The following DNAJC1 variants were observed in gnomAD, a reference collection of about 807,000 sequenced individuals.
The protein encoded by DNAJC1 is DnaJ heat shock protein family (Hsp40) member C1, also known as dnaJ homolog subfamily C member 1.
Under a neutral mutation model 76.6 loss-of-function variants are expected in DNAJC1, and 58 were observed. That is an observed-to-expected ratio of 0.76 (90% CI 0.61 to 0.94). The LOEUF is 0.94. Among genes scored for constraint, DNAJC1 ranks in the 40% least tolerant of loss-of-function variants. The probability of loss-of-function intolerance (pLI) is 0.00; values close to 1 mark genes in which losing one functional copy is unlikely to be tolerated. For synonymous variants in DNAJC1, 258 were observed against 267.9 expected (o/e 0.96, Z 0.36); for missense variants, 689 against 677.3 (o/e 1.02, Z -0.19).
At position 21,766,262 on chromosome 10, in the gene DNAJC1, T is replaced by C. The variant is rs769403238; in HGVS notation, c.1146A>G (p.Pro382=). Residue 382 remains proline (P), a splice_region_variant and synonymous_variant, in exon 10 of 12, where the codon CCA becomes CCG. Coordinates refer to ENST00000376980, the MANE Select transcript of DNAJC1 (RefSeq NM_022365.4). ...GAGATAGAGGAAGTATGAACTCACC[T>C]GGGGAGCAGGTCACTGAATCCTTCA... The part of the protein sequence containing the change: ...KQLKDSVTCS[P]GMVRLSELKS... 1.4e-5 allele frequency: 22 copies of C among 1,611,712 alleles called. No homozygotes were observed. The highest frequency in any genetic ancestry group is 1.4e-5 in the Non-Finnish European group (17 of 1,177,928).
intron 3 of DNAJC1, among the ~76,000 whole-genome samples, chr10:21,922,114 A>C (rs1010005447): frequency 6.6e-6 from 1 of 152,048 alleles, no homozygotes; most frequent in South Asian, 2.1e-4. Flanking sequence ...ACTCGGTAGT[A>C]GGTTTTTCTC....
chr10:22,003,458 C>T lies in DNAJC1; in HGVS notation c.-24G>A, dbSNP rs976710434. 4 of 1,344,332 alleles carry T rather than the reference C, an allele frequency of 3.0e-6. No individual in the cohort carries two copies. Among genetic ancestry groups the T allele is most frequent in the Non-Finnish European group, 3.8e-6 (4 of 1,054,602 alleles). 83.3% of individuals were successfully genotyped at this position (1,344,332 alleles called of 1,614,324 possible). A position where few individuals can be genotyped will look rare whatever the true frequency, so the allele number is the denominator to read the frequency against. ...ATCGCGCTGGGCTCGGAAAGGTCACCCGCCGCGCAGCTCCGTTGGCCGAGA... is the reference window on the plus strand; with the variant it reads ...ATCGCGCTGGGCTCGGAAAGGTCACTCGCCGCGCAGCTCCGTTGGCCGAGA... On this transcript the variant is annotated 5_prime_UTR_variant, in exon 1 of 12. Coordinates refer to ENST00000376980, the MANE Select transcript of DNAJC1 (RefSeq NM_022365.4).
intron 9 of DNAJC1, among the ~76,000 whole-genome samples, chr10:21,800,628 G>A (rs759916274): frequency 6.6e-6 from 1 of 152,176 alleles, no homozygotes; most frequent in African/African-American, 2.4e-5. Flanking sequence ...TTATTGCCAT[G>A]AAAGATGCTC....
chr10:21,962,664 TG>T (rs1435000562), intron 1 of DNAJC1, among the ~76,000 whole-genome samples: 109 of 149,058 alleles, frequency 7.3e-4, no homozygotes, highest in African/African-American at 2.5e-3. Flanking sequence ...TTTTTTTTTT[TG>T]TAGAGACAGG....
chr10:21,882,461 C>A (rs372505311), intron 7 of DNAJC1, 22 bp from the exon 8 acceptor site: 1 of 1,402,040 alleles, frequency 7.1e-7, no homozygotes, highest in Admixed American at 2.7e-5. Flanking sequence ...TTAAAAGAAC[C>A]AATTATTGAG....
chr10:21,940,905 CA>C (rs1458535590), intron 1 of DNAJC1, among the ~76,000 whole-genome samples: 1 of 151,586 alleles, frequency 6.6e-6, no homozygotes, highest in Non-Finnish European at 1.5e-5. Context: ...AAGTCAATGG[CA>C]GGGGGAGAAA....
At chr10:21,844,259 C>T (rs892157019) in intron 8 of DNAJC1, among the ~76,000 whole-genome samples, 1 of 148,502 alleles carries the variant, frequency 6.7e-6, no homozygotes, top group Non-Finnish European at 1.5e-5. Flanking sequence ...CGCCACCACA[C>T]CTGGCTAATT....
chr10:21,813,024 C>CAT (rs1158936139), intron 8 of DNAJC1, among the ~76,000 whole-genome samples: 26 of 78,982 alleles, frequency 3.3e-4, no homozygotes, highest in Non-Finnish European at 5.7e-4. Flanking sequence ...TATACACACA[C>CAT]ATACACACAC....
chr10:21,833,339 C>T (rs576564781), intron 8 of DNAJC1, among the ~76,000 whole-genome samples: 11 of 152,040 alleles, frequency 7.2e-5, no homozygotes, highest in South Asian at 2.1e-4. Flanking sequence ...GGCATGGTGA[C>T]GGGCGCCTGT....
chr10:22,003,429 C>A lies in DNAJC1; in HGVS notation c.6G>T (p.Thr2=). 2 of 1,363,630 alleles carry A rather than the reference C, an allele frequency of 1.5e-6. No individual in the cohort carries two copies. The highest frequency in any genetic ancestry group is 1.9e-5 in the South Asian group (1 of 52,444). 84.5% of individuals were successfully genotyped at this position (1,363,630 alleles called of 1,614,324 possible). The stretch of plus-strand genomic sequence containing the variant: ...GCTGCGCCGGCTGGGAGCAAGGAGC[C>A]GTCATCGCGCTGGGCTCGGAAAGGT... M[T]APCSQPAQLP... The change falls in exon 1 of 12, where the codon ACG becomes ACT. Residue 2 remains threonine (T), a synonymous_variant. Coordinates refer to ENST00000376980, the MANE Select transcript of DNAJC1 (RefSeq NM_022365.4).
intron 1 of DNAJC1, among the ~76,000 whole-genome samples, chr10:21,933,940 C>A (rs1837269173): frequency 1.3e-5 from 2 of 151,830 alleles, no homozygotes; most frequent in East Asian, 3.9e-4. Context: ...TAATAAGCAA[C>A]TATGTTACAG....
At chr10:21,859,564 C>T (rs919289958) in intron 8 of DNAJC1, among the ~76,000 whole-genome samples, 5 of 151,976 alleles carry the variant, frequency 3.3e-5, no homozygotes, top group African/African-American at 1.2e-4. Flanking sequence ...TATGGTAAAA[C>T]CCCTATAGAC....
At chr10:21,919,363 C>T (rs1837003088) in intron 5 of DNAJC1, among the ~76,000 whole-genome samples, 1 of 152,018 alleles carries the variant, frequency 6.6e-6, no homozygotes, top group Non-Finnish European at 1.5e-5. Context: ...GAATAGATGA[C>T]AGGCAGAATA....
At chr10:21,908,925 G>A (rs558144320) in intron 6 of DNAJC1, among the ~76,000 whole-genome samples, 8 of 150,990 alleles carry the variant, frequency 5.3e-5, no homozygotes, top group East Asian at 1.9e-4. Flanking sequence ...TCGCTGTGTC[G>A]CCCAGGCTGG....
chr10:21,901,505 A>G (rs1836652909), intron 7 of DNAJC1, among the ~76,000 whole-genome samples: 2 of 152,210 alleles, frequency 1.3e-5, no homozygotes, highest in Non-Finnish European at 2.9e-5. Flanking sequence ...AAATTGATTA[A>G]AAGTTTATAA....
rs1440772570 is a variant in DNAJC1, at chr10:22,003,420, G to A, written c.15C>T (p.Cys5=). Residue 5 remains cysteine (C), a synonymous_variant, in exon 1 of 12, where the codon TGC becomes TGT. Transcript: ENST00000376980. ...GTCCAGGAAGCTGCGCCGGCTGGGAGCAAGGAGCCGTCATCGCGCTGGGCT... is the reference window on the plus strand; with the variant it reads ...GTCCAGGAAGCTGCGCCGGCTGGGAACAAGGAGCCGTCATCGCGCTGGGCT... MTAP[C]SQPAQLPGRR... 1.5e-6 allele frequency: 2 copies of A among 1,367,160 alleles called. No homozygotes were observed. The highest frequency in any genetic ancestry group is 3.1e-5 in the East Asian group (1 of 32,302). The allele number at this position is 1,367,160 out of a possible 1,614,324, so 84.7% of individuals were successfully genotyped here. A position where few individuals can be genotyped will look rare whatever the true frequency, so the allele number is the denominator to read the frequency against.
intron 8 of DNAJC1, among the ~76,000 whole-genome samples, chr10:21,853,278 G>A (rs1039711367): frequency 6.6e-6 from 1 of 151,934 alleles, no homozygotes; most frequent in Non-Finnish European, 1.5e-5. Context: ...GTGTCTTTGC[G>A]CCACATGTGT....
intron 6 of DNAJC1, among the ~76,000 whole-genome samples, chr10:21,908,192 ATAT>A (rs1331344211): frequency 9.7e-6 from 1 of 103,072 alleles, no homozygotes; most frequent in Admixed American, 1.5e-4. Context: ...ATAAAAATAT[ATAT>A]TATATATATA....
intron 8 of DNAJC1, among the ~76,000 whole-genome samples, chr10:21,837,159 A>C (rs1835475197): frequency 6.6e-6 from 1 of 152,228 alleles, no homozygotes; most frequent in Non-Finnish European, 1.5e-5. Flanking sequence ...GTGATCTGCC[A>C]GCCTCGGCCT....
Sources: allele counts gnomAD v4.1 joint callset (sites outside exome capture counted in the v4.1 genomes callset), GRCh38; gene constraint gnomAD v4.1.1; transcripts MANE v1.5; gene names NCBI Gene and HGNC (gene_info 2026-07-23, HGNC 2026-07-21).